Variants in KCNH8 observed in about 807,000 individuals in gnomAD.
The protein encoded by KCNH8 is potassium voltage-gated channel subfamily H member 8.
A neutral mutation model predicts 103.6 loss-of-function variants in KCNH8; 70 were observed. That is an observed-to-expected ratio of 0.68 (90% confidence interval 0.56 to 0.82). The LOEUF is 0.82. KCNH8 is among the 40% of genes least tolerant of loss of function. The probability of loss-of-function intolerance (pLI) is 0.00; values close to 1 mark genes in which losing one functional copy is unlikely to be tolerated. For synonymous variants in KCNH8, 498 were observed against 489.4 expected (o/e 1.02, Z -0.23); for missense variants, 1,217 against 1,329.9 (o/e 0.92, Z 1.32).
chr3:19,295,567 C>T (rs2064987177), intron 3 of KCNH8, among the ~76,000 whole-genome samples: 1 of 152,062 alleles, frequency 6.6e-6, no homozygotes, highest in African/African-American at 2.4e-5. Context: ...GGGATTACAG[C>T]TGTTATGATA....
At chr3:19,284,639 C>T (rs2064805773) in intron 3 of KCNH8, among the ~76,000 whole-genome samples, 1 of 151,664 alleles carries the variant, frequency 6.6e-6, no homozygotes. Context: ...TCTTTTTTGG[C>T]ACATAGTTTA....
At chr3:19,157,007 A>G (rs557540096) in intron 1 of KCNH8, among the ~76,000 whole-genome samples, 25 of 139,898 alleles carry the variant, frequency 1.8e-4, no homozygotes, top group Non-Finnish European at 2.9e-4. Context: ...CTTTTGTTCT[A>G]TTAAGTATTT....
At chr3:19,355,050 A>G (rs1161378115) in intron 5 of KCNH8, among the ~76,000 whole-genome samples, 3 of 152,092 alleles carry the variant, frequency 2.0e-5, no homozygotes, top group African/African-American at 7.2e-5. Flanking sequence ...CAATCAAACA[A>G]CCCCATCAAA....
rs115147101 is a variant in KCNH8 at position 19,211,239 on chromosome 3, T to A, written c.77-42415T>A. Among the ~76,000 whole-genome samples the A allele has an allele frequency of 8.6e-3, 1,308 of 152,244 alleles. 21 individuals carry two copies. The highest frequency in any genetic ancestry group is 0.029 in the African/African-American group (1,214 of 41,552). ...TAAAAATGCAAGAGCAATATGTGAG[T>A]ATGACAGTCAAAGAACAGATGCCAT... is the stretch of plus-strand genomic sequence containing the variant. On this transcript the variant is annotated intron_variant, in intron 1 of 15. Transcript: ENST00000328405.
intron 1 of KCNH8, among the ~76,000 whole-genome samples, chr3:19,206,988 G>C (rs1294769589): frequency 1.3e-5 from 2 of 151,990 alleles, no homozygotes; most frequent in Non-Finnish European, 2.9e-5. Flanking sequence ...GGGTGCCTGA[G>C]TTACCTCCAG....
chr3:19,200,854 A>G (rs1377448769), intron 1 of KCNH8, among the ~76,000 whole-genome samples: 2 of 152,054 alleles, frequency 1.3e-5, no homozygotes, highest in African/African-American at 2.4e-5. Context: ...TTTTGAATGT[A>G]TTCTCAGGAT....
At chr3:19,399,083 T>C (rs2066569474) in intron 7 of KCNH8, among the ~76,000 whole-genome samples, 1 of 152,014 alleles carries the variant, frequency 6.6e-6, no homozygotes, top group South Asian at 2.1e-4. Flanking sequence ...AGGAGGCAAG[T>C]CCTATATCAA....
chr3:19,407,607 C>T (rs934811747), intron 7 of KCNH8, among the ~76,000 whole-genome samples: 5 of 152,026 alleles, frequency 3.3e-5, no homozygotes, highest in Non-Finnish European at 7.4e-5. Context: ...ATTCAACAGC[C>T]CGACCTGCCC....
chr3:19,226,421 G>T (rs534383454), intron 1 of KCNH8, among the ~76,000 whole-genome samples: 1 of 152,180 alleles, frequency 6.6e-6, no homozygotes, highest in East Asian at 1.9e-4. Flanking sequence ...ATATTTCCTG[G>T]ATAATAAGCA....
chr3:19,481,068 G>A (rs145903462), intron 11 of KCNH8, among the ~76,000 whole-genome samples: 19 of 152,220 alleles, frequency 1.2e-4, no homozygotes, highest in Admixed American at 5.9e-4. Context: ...TCTTTCCCAT[G>A]TTTGGCTTCT....
intron 11 of KCNH8, among the ~76,000 whole-genome samples, chr3:19,499,031 G>C (rs568851555): frequency 6.6e-6 from 1 of 152,112 alleles, no homozygotes; most frequent in African/African-American, 2.4e-5. Flanking sequence ...AAAAGAAGTT[G>C]AGAACTTTGA....
intron 3 of KCNH8, among the ~76,000 whole-genome samples, chr3:19,289,981 C>T (rs951166111): frequency 6.6e-6 from 1 of 152,032 alleles, no homozygotes; most frequent in African/African-American, 2.4e-5. Flanking sequence ...AAGTTGGATT[C>T]CTAGGTATTT....
chr3:19,361,297 G>T, intron 5 of KCNH8, among the ~76,000 whole-genome samples: 1 of 151,982 alleles, frequency 6.6e-6, no homozygotes, highest in East Asian at 1.9e-4. Context: ...AAATAAAGGA[G>T]ATCCCACATT....
chr3:19,524,620 C>T (rs561894794), intron 15 of KCNH8, among the ~76,000 whole-genome samples: 3 of 151,842 alleles, frequency 2.0e-5, no homozygotes, highest in Non-Finnish European at 4.4e-5. Flanking sequence ...ATTCAGAAAG[C>T]TTCTCCTGTG....
intron 1 of KCNH8, among the ~76,000 whole-genome samples, chr3:19,229,935 T>C (rs1287821264): frequency 6.6e-6 from 1 of 152,216 alleles, no homozygotes; most frequent in Non-Finnish European, 1.5e-5. Flanking sequence ...TTCATGCTGC[T>C]GATAAAGACA....
In KCNH8 at chr3:19,347,828, A is replaced by C; in HGVS notation, c.674A>C (p.Asp225Ala). The change falls in exon 5 of 16, where the codon GAC becomes GCC. Residue 225 changes from aspartate to alanine, a missense_variant. Coordinates refer to ENST00000328405, the MANE Select transcript of KCNH8 (RefSeq NM_144633.3). ...LHFSTFKAGW[D>A]WLILLATFYV... ...TTTAGCACTTTTAAAGCTGGCTGGG[A>C]CTGGCTTATTTTGTTGGCAACGTTT... is the stretch of plus-strand genomic sequence containing the variant. 6.2e-7 allele frequency: 1 copy of C among 1,613,332 alleles called. No individual in the cohort carries two copies. Among genetic ancestry groups the C allele is most frequent in the Non-Finnish European group, 8.5e-7 (1 of 1,179,478 alleles).
At chr3:19,150,385 G>T (rs2063117406) in intron 1 of KCNH8, among the ~76,000 whole-genome samples, 1 of 151,894 alleles carries the variant, frequency 6.6e-6, no homozygotes, top group Non-Finnish European at 1.5e-5. Context: ...AAAACTAAAA[G>T]GCTGTAAACA....
chr3:19,373,505 T>C (rs2066137419), intron 5 of KCNH8, among the ~76,000 whole-genome samples: 1 of 152,194 alleles, frequency 6.6e-6, no homozygotes, highest in Admixed American at 6.5e-5. Flanking sequence ...TCTCTTTTTT[T>C]CTTTATTAGT....
intron 7 of KCNH8, among the ~76,000 whole-genome samples, chr3:19,417,860 A>G (rs1185555758): frequency 6.6e-6 from 1 of 152,202 alleles, no homozygotes; most frequent in Admixed American, 6.5e-5. Context: ...TAAATCATTA[A>G]TGATTACCTA....
Sources: allele counts gnomAD v4.1 joint callset (sites outside exome capture counted in the v4.1 genomes callset), GRCh38; gene constraint gnomAD v4.1.1; transcripts MANE v1.5; gene names NCBI Gene and HGNC (gene_info 2026-07-23, HGNC 2026-07-21).